The following KIF3A variants were observed in gnomAD, a reference collection of about 807,000 sequenced individuals.
KIF3A encodes kinesin family member 3A.
KIF3A carries 27 observed loss-of-function variants against 92.6 expected under a neutral mutation model. That is an observed-to-expected ratio of 0.29 (90% CI 0.21 to 0.40). The LOEUF is 0.40. Among genes scored for constraint, KIF3A ranks in the 10% least tolerant of loss-of-function variants. The pLI, the probability that KIF3A is intolerant of heterozygous loss-of-function variation, is 1.00. For synonymous variants in KIF3A, 250 were observed against 275.4 expected, an observed-to-expected ratio of 0.91 and a Z score of 0.92; for missense variants, 581 against 872.6, an observed-to-expected ratio of 0.67 and a Z score of 4.21.
chr5:132,726,134 C>A lies in KIF3A; in HGVS notation c.504G>T (p.Arg168Ser). Residue 168 changes from arginine (R) to serine (S), a missense_variant, in exon 4 of 19, where the codon AGG becomes AGT. Transcript: ENST00000403231. ...CAATTTCAATTATCCTTACCTCTAA[C>A]CTTTGTGTCTGATCCTTGCCCAAAA... The part of the protein sequence containing the change: ...RDLLGKDQTQ[R>S]LEVKERPDVG... 1 of 1,606,926 alleles carries A rather than the reference C, an allele frequency of 6.2e-7. No individual in the cohort carries two copies. Among genetic ancestry groups the A allele is most frequent in the East Asian group, 2.2e-5 (1 of 44,802 alleles).
intron 1 of KIF3A, among the ~76,000 whole-genome samples, chr5:132,736,342 T>G (rs377314489): frequency 8.5e-4 from 129 of 152,264 alleles, no homozygotes; most frequent in African/African-American, 3.0e-3. Flanking sequence ...CCTGTTATCA[T>G]CTGCAGACCA....
chr5:132,731,477 G>C (rs1222147216), intron 2 of KIF3A, among the ~76,000 whole-genome samples: 1 of 152,048 alleles, frequency 6.6e-6, no homozygotes, highest in African/African-American at 2.4e-5. Flanking sequence ...AGCGAACTAA[G>C]AATAGAAGGG....
chr5:132,712,925 C>T lies in KIF3A; in HGVS notation c.1130-1868G>A, dbSNP rs1283934421. Among the ~76,000 whole-genome samples, 12 of 152,036 alleles carry T rather than the reference C, an allele frequency of 7.9e-5. 1 individual carries two copies. Among genetic ancestry groups the T allele is most frequent in the South Asian group, 4.2e-4 (2 of 4,818 alleles). On this transcript the variant is annotated intron_variant, in intron 8 of 18. Coordinates refer to ENST00000403231, the MANE Select transcript of KIF3A (RefSeq NM_001300791.2). ...CTGTAGTCCCAGCACTTTGAGATGC[C>T]GAGGCAGGCAGATCACGAGGTCAGA...
At chr5:132,713,083 G>A (rs921049971) in intron 8 of KIF3A, among the ~76,000 whole-genome samples, 5 of 152,158 alleles carry the variant, frequency 3.3e-5, no homozygotes, top group African/African-American at 1.2e-4. Flanking sequence ...GCTTGAACAG[G>A]GAGGCAGAGG....
chr5:132,699,242 C>T lies in KIF3A; in HGVS notation c.2061G>A (p.Leu687=), dbSNP rs773787875. 5 of 1,613,414 alleles carry T rather than the reference C, an allele frequency of 3.1e-6. No individual in the cohort carries two copies. The highest frequency in any genetic ancestry group is 1.7e-5 in the Admixed American group (1 of 59,992). ...TTTCTAGTTTCATCAAAGACTGACGCAGACTCTCCTCAGTATAGGCAAGAT... is the reference window on the plus strand; with the variant it reads ...TTTCTAGTTTCATCAAAGACTGACGTAGACTCTCCTCAGTATAGGCAAGAT... ...HVYLAYTEES[L]RQSLMKLERP... is the part of the protein sequence containing the mutation. Residue 687 remains leucine (L), a synonymous_variant, in exon 18 of 19, where the codon CTG becomes CTA. Transcript: ENST00000403231.
chr5:132,705,260 A>G (rs1313404884), intron 11 of KIF3A, among the ~76,000 whole-genome samples: 1 of 152,042 alleles, frequency 6.6e-6, no homozygotes, highest in Admixed American at 6.5e-5. Flanking sequence ...TCAGGTATAT[A>G]GTAAGTATAC....
downstream of KIF3A, among the ~76,000 whole-genome samples, chr5:132,690,576 T>C (rs1014668110): frequency 1.3e-5 from 2 of 152,234 alleles, no homozygotes; most frequent in Admixed American, 6.5e-5. Flanking sequence ...CTGATCATCA[T>C]GTATTTTATC....
intron 11 of KIF3A, among the ~76,000 whole-genome samples, chr5:132,703,860 AG>A (rs1356279997): frequency 1.3e-5 from 2 of 151,964 alleles, no homozygotes; most frequent in Non-Finnish European, 2.9e-5. Flanking sequence ...TAAGAACAAA[AG>A]CGAAAGAGAA....
Position 132,703,756 on chromosome 5 carries a change from A to T in KIF3A, c.1310-137T>A, listed in dbSNP as rs1581067783. On this transcript the variant is annotated intron_variant, in intron 11 of 18. Coordinates refer to ENST00000403231, the MANE Select transcript of KIF3A (RefSeq NM_001300791.2). Reference sequence around the variant, plus strand: ...AATTATCAATATTTTAAGGAAATCAAACCAATAATATCATGCATTTCCATT... The same window carrying T: ...AATTATCAATATTTTAAGGAAATCATACCAATAATATCATGCATTTCCATT... 2.5e-5 allele frequency: 15 copies of T among 610,092 alleles called. No homozygotes were observed. The East Asian group carries it at 4.2e-4, about 17-fold the overall frequency. The allele number at this position is 610,092 out of a possible 1,614,324, so 37.8% of individuals were successfully genotyped here.
In KIF3A at chr5:132,703,016, C is replaced by T. The variant is rs775640206; in HGVS notation, c.1516G>A (p.Val506Ile). The T allele has an allele frequency of 5.6e-6, 9 of 1,612,584 alleles. No homozygotes were observed. The highest frequency in any genetic ancestry group is 1.1e-5 in the South Asian group (1 of 90,590). ...AACAAGTCAACCCCACCAACAATTA[C>T]CTTCTTTTCCAGGGCAGATAATTTT... ...LEKLSALEKKVIVGGVDLLAK... is the reference protein window; with the variant it reads ...LEKLSALEKKIIVGGVDLLAK... Residue 506 changes from valine (V) to isoleucine (I), a missense_variant, in exon 13 of 19, where the codon GTA (valine) becomes ATA (isoleucine). Val to Ile is a conservative substitution (Grantham distance 29). This residue lies in a region of KIF3A where 167 missense variants were observed against 205.8 expected (regional missense o/e 0.81). Transcript: ENST00000403231.
At chr5:132,704,448 TTGA>T (rs1460259341) in intron 11 of KIF3A, among the ~76,000 whole-genome samples, 1 of 151,958 alleles carries the variant, frequency 6.6e-6, no homozygotes, top group Non-Finnish European at 1.5e-5. Flanking sequence ...TGGCTTCCAA[TTGA>T]TTATTTTTGC....
chr5:132,716,603 T>C (rs996449684), intron 6 of KIF3A, among the ~76,000 whole-genome samples, 161 bp from the exon 7 acceptor site: 3 of 152,168 alleles, frequency 2.0e-5, no homozygotes, highest in African/African-American at 7.2e-5. Flanking sequence ...GGAGAGTACA[T>C]GAAACAAGAT....
chr5:132,721,084 G>GA (rs1482672569), intron 4 of KIF3A, among the ~76,000 whole-genome samples: 1 of 152,028 alleles, frequency 6.6e-6, no homozygotes, highest in Non-Finnish European at 1.5e-5. Context: ...CCTGAAATAA[G>GA]AAAAAACTAG....
intron 15 of KIF3A, 51 bp downstream of exon 15, chr5:132,702,036 T>C (rs1234918060): frequency 1.3e-6 from 2 of 1,531,596 alleles, no homozygotes; most frequent in Non-Finnish European, 1.8e-6. Flanking sequence ...GAAATCTTTG[T>C]TCCTTAATCC....
rs114555804 is a variant in KIF3A at position 132,735,518 on chromosome 5, G to A, written c.7-1040C>T. Among the ~76,000 whole-genome samples the A allele has an allele frequency of 7.6e-3, 1,154 of 152,238 alleles. 6 individuals carry two copies. Among genetic ancestry groups the A allele is most frequent in the African/African-American group, 0.016 (662 of 41,530 alleles). On this transcript the variant is annotated intron_variant, in intron 1 of 18. Coordinates refer to ENST00000403231, the MANE Select transcript of KIF3A (RefSeq NM_001300791.2). ...AAGCATTGAAGAGAAACAAATATGA[G>A]TCATTGTCATTGACTCTGACATTGT...
chr5:132,689,186 C>G (rs934455551), downstream of KIF3A, among the ~76,000 whole-genome samples: 7 of 152,194 alleles, frequency 4.6e-5, no homozygotes, highest in African/African-American at 1.7e-4. Flanking sequence ...GCAAATGAAA[C>G]AGCTTAAGAC....
intron 8 of KIF3A, among the ~76,000 whole-genome samples, chr5:132,713,889 CTTTTTT>C (rs34191042): frequency 7.2e-5 from 6 of 83,760 alleles, no homozygotes; most frequent in Non-Finnish European, 1.1e-4. Context: ...ATTTCACTTT[CTTTTTT>C]TTTTTTTTTT....
Position 132,703,068 on chromosome 5 carries a change from G to T in KIF3A, c.1467-3C>A. ...CCAGCAAAGACTGATGCTCTTGTCT[G>T]TTGATTAGAATGAGAATACTCTATA... is the stretch of plus-strand genomic sequence containing the variant. On this transcript the variant is annotated splice_polypyrimidine_tract_variant and splice_region_variant and intron_variant, in intron 12 of 18. Coordinates refer to ENST00000403231, the MANE Select transcript of KIF3A (RefSeq NM_001300791.2). The T allele has an allele frequency of 6.2e-7, 1 of 1,600,598 alleles. No individual in the cohort carries two copies. Among genetic ancestry groups the T allele is most frequent in the Non-Finnish European group, 8.5e-7 (1 of 1,174,978 alleles).
chr5:132,728,774 T>A (rs1383755111), intron 2 of KIF3A, among the ~76,000 whole-genome samples: 3 of 146,568 alleles, frequency 2.0e-5, no homozygotes, highest in African/African-American at 5.4e-5. Context: ...TAAATAAATA[T>A]AATAAACTAT....
Sources: allele counts gnomAD v4.1 joint callset (sites outside exome capture counted in the v4.1 genomes callset), GRCh38; gene constraint gnomAD v4.1.1; regional missense constraint gnomAD v4.1.1; transcripts MANE v1.5; gene names NCBI Gene and HGNC (gene_info 2026-07-23, HGNC 2026-07-21).